The following NRIP3 variants were observed in gnomAD, a reference collection of about 807,000 sequenced individuals.
NRIP3 encodes the protein nuclear receptor interacting protein 3, also known as nuclear receptor-interacting protein 3.
NRIP3 carries 31 observed loss-of-function variants against 29.0 expected under a neutral mutation model. The ratio of observed to expected loss-of-function variants is 1.07; its 90% confidence interval spans 0.80 to 1.44. NRIP3 has a LOEUF of 1.44. Ranked by LOEUF, NRIP3 falls within the 40% of genes most tolerant of loss-of-function variation. The probability of loss-of-function intolerance (pLI) is 0.00; values close to 1 mark genes in which losing one functional copy is unlikely to be tolerated. For missense variants in NRIP3, 314 were observed against 297.9 expected, an observed-to-expected ratio of 1.05 and a Z score of -0.40; for synonymous variants, 131 against 118.3, an observed-to-expected ratio of 1.11 and a Z score of -0.70.
intron 1 of NRIP3, among the ~76,000 whole-genome samples, chr11:8,996,275 CTTTTTTTTTTTTTTT>C (rs386373056): frequency 1.2e-5 from 1 of 82,944 alleles, no homozygotes; most frequent in East Asian, 4.1e-4. Context: ...CCTTTTTTTC[CTTTTTTTTTTTTTTT>C]TTTTTTTTTG....
chr11:8,985,991 A>G, intron 3 of NRIP3, 141 bp from the exon 4 acceptor site: 2 of 952,696 alleles, frequency 2.1e-6, no homozygotes, highest in South Asian at 3.2e-5. Flanking sequence ...GCCATCCTAC[A>G]TATGTTGTTC....
intron 1 of NRIP3, among the ~76,000 whole-genome samples, chr11:9,001,940 T>C (rs556472824): frequency 1.3e-5 from 2 of 152,386 alleles, no homozygotes; most frequent in African/African-American, 2.4e-5. Context: ...GTATGTGTCA[T>C]ACTCAAGGCA....
At chr11:8,988,744 G>C (rs1457910864) in intron 1 of NRIP3, among the ~76,000 whole-genome samples, 1 of 152,166 alleles carries the variant, frequency 6.6e-6, no homozygotes, top group East Asian at 1.9e-4. Context: ...GCTAACACAG[G>C]TATTCAGAAG....
chr11:8,992,806 C>G (rs1461185947), intron 1 of NRIP3, among the ~76,000 whole-genome samples: 1 of 151,876 alleles, frequency 6.6e-6, no homozygotes, highest in Non-Finnish European at 1.5e-5. Flanking sequence ...CCCAGCTACT[C>G]AGGAGGCTGA....
chr11:8,990,560 C>T (rs549438137), intron 1 of NRIP3, among the ~76,000 whole-genome samples: 1 of 151,964 alleles, frequency 6.6e-6, no homozygotes, highest in East Asian at 1.9e-4. Flanking sequence ...CCGAGGCAGG[C>T]GGATCTCTTG....
Position 8,983,375 on chromosome 11 carries a change from T to A in NRIP3, c.*170A>T. 1 of 618,620 alleles carries A rather than the reference T, an allele frequency of 1.6e-6. No individual in the cohort carries two copies. 38.3% of individuals were successfully genotyped at this position (618,620 alleles called of 1,614,324 possible). Reference sequence around the variant, plus strand: ...CATAACCAGACAAGATCTCTAAGCATAGACTATAGTCTAGAGAGGTCTGAA... The same window carrying A: ...CATAACCAGACAAGATCTCTAAGCAAAGACTATAGTCTAGAGAGGTCTGAA... On this transcript the variant is annotated 3_prime_UTR_variant, in exon 7 of 7. Transcript: ENST00000309166.
chr11:8,988,183 T>G lies in NRIP3; in HGVS notation c.274A>C (p.Asn92His), dbSNP rs779915813. ...VPWASKTNKL[N>H]QAKSEGLKKS... ...TTTAGCCCCTCAGACTTAGCCTGAT[T>G]GAGTTTGTTCGTCTTAGAGGCCCAA... Residue 92 changes from asparagine to histidine, a missense_variant, in exon 2 of 7, where the codon AAT becomes CAT. Physicochemically the swap from Asn to His is moderately conservative, Grantham distance 68. Transcript: ENST00000309166. 2.5e-6 allele frequency: 4 copies of G among 1,614,022 alleles called. No individual in the cohort carries two copies. The highest frequency in any genetic ancestry group is 3.4e-6 in the Non-Finnish European group (4 of 1,180,044).
intron 1 of NRIP3, among the ~76,000 whole-genome samples, chr11:8,997,334 TGA>T (rs1854724096): frequency 1.7e-5 from 2 of 119,136 alleles, no homozygotes; most frequent in Admixed American, 1.3e-4. Context: ...TCCAGCCTGG[TGA>T]GAGAGCGAGA....
chr11:8,999,355 C>T (rs1854759743), intron 1 of NRIP3, among the ~76,000 whole-genome samples: 3 of 152,194 alleles, frequency 2.0e-5, no homozygotes, highest in Non-Finnish European at 4.4e-5. Context: ...CATCAACTCT[C>T]ACTTCAATTA....
chr11:8,985,120 G>C (rs554919077), intron 4 of NRIP3, among the ~76,000 whole-genome samples: 54 of 151,670 alleles, frequency 3.6e-4, no homozygotes, highest in Non-Finnish European at 6.8e-4. Flanking sequence ...CAAAGTGCTG[G>C]GATTACAGGC....
At chr11:9,001,750 C>CA (rs1854803283) in intron 1 of NRIP3, among the ~76,000 whole-genome samples, 1 of 144,632 alleles carries the variant, frequency 6.9e-6, no homozygotes, top group South Asian at 2.1e-4. Context: ...TGCCTCACCC[C>CA]AGCGCTTGCG....
In NRIP3 at chr11:9,003,824, T is replaced by G. The variant is rs755898996; in HGVS notation, c.112A>C (p.Lys38Gln). The G allele has an allele frequency of 1.2e-5, 19 of 1,521,074 alleles. No individual in the cohort carries two copies. The highest frequency in any genetic ancestry group is 1.7e-5 in the Non-Finnish European group (19 of 1,135,866). The allele number at this position is 1,521,074 out of a possible 1,614,324, so 94.2% of individuals were successfully genotyped here. Residue 38 changes from lysine (K) to glutamine (Q), a missense_variant, in exon 1 of 7, where the codon AAG becomes CAG. Physicochemically the swap from Lys to Gln is moderately conservative, Grantham distance 53 (BLOSUM62 1). Coordinates refer to ENST00000309166, the MANE Select transcript of NRIP3 (RefSeq NM_020645.3). Reference protein sequence around the residue: ...RMKQAVQFIHKDSADLLPLDG... With the variant: ...RMKQAVQFIHQDSADLLPLDG... Reference sequence around the variant, plus strand: ...AGGGGCAGCAGGTCGGCGGAGTCCTTGTGGATGAACTGCACCGCCTGCTTC... The same window carrying G: ...AGGGGCAGCAGGTCGGCGGAGTCCTGGTGGATGAACTGCACCGCCTGCTTC...
intron 1 of NRIP3, among the ~76,000 whole-genome samples, chr11:8,997,102 C>G (rs916011760): frequency 3.3e-5 from 5 of 151,198 alleles, no homozygotes; most frequent in Non-Finnish European, 7.4e-5. Flanking sequence ...GGAGGCCAGG[C>G]ACAGTGGCTC....
At chr11:9,001,655 G>C (rs753993653) in intron 1 of NRIP3, among the ~76,000 whole-genome samples, 6 of 152,212 alleles carry the variant, frequency 3.9e-5, no homozygotes, top group Non-Finnish European at 5.9e-5. Flanking sequence ...TATTTATAAA[G>C]TAAAAGAATA....
chr11:8,985,932 A>G (rs781639199), intron 3 of NRIP3, 82 bp from the exon 4 acceptor site: 201 of 1,492,736 alleles, frequency 1.3e-4, no homozygotes, highest in Non-Finnish European at 1.7e-4. Context: ...CTGACCTACA[A>G]TTGGAATTCT....
At chr11:8,983,730 C>T in intron 6 of NRIP3, 145 bp downstream of exon 6, 2 of 880,146 alleles carry the variant, frequency 2.3e-6, no homozygotes, top group East Asian at 2.5e-5. Flanking sequence ...GTGATGAACT[C>T]TGGGTGTGGG....
intron 3 of NRIP3, among the ~76,000 whole-genome samples, chr11:8,986,894 C>T (rs753457421): frequency 1.6e-4 from 25 of 152,238 alleles, no homozygotes; most frequent in Admixed American, 1.6e-3. Context: ...GTGGCGCACA[C>T]GTAGTCCCAG....
chr11:8,985,087 G>A (rs893558362), intron 4 of NRIP3, among the ~76,000 whole-genome samples: 5 of 151,984 alleles, frequency 3.3e-5, no homozygotes, highest in Admixed American at 6.5e-5. Context: ...CCAACCTCAG[G>A]TGATCTGCCC....
rs572545134 is a variant in NRIP3 at position 8,988,372 on chromosome 11, C to G, written c.175-90G>C. 4,655 of 1,013,266 alleles carry G rather than the reference C, an allele frequency of 4.6e-3. 14 individuals are homozygous for G. Among genetic ancestry groups the G allele is most frequent in the Non-Finnish European group, 6.4e-3 (4,324 of 678,398 alleles). 62.8% of individuals were successfully genotyped at this position (1,013,266 alleles called of 1,614,324 possible). A position where few individuals can be genotyped will look rare whatever the true frequency, so the allele number is the denominator to read the frequency against. On this transcript the variant is annotated intron_variant, in intron 1 of 6. Coordinates refer to ENST00000309166, the MANE Select transcript of NRIP3 (RefSeq NM_020645.3). ...AGGTGCCATAAAAATAATGAAGGAG[C>G]CTCCCATAACTGAGCTCTATCTTTG...
Sources: gnomAD v4.1 joint callset for allele counts (sites outside exome capture counted in the v4.1 genomes callset) on GRCh38, gnomAD v4.1.1 for gene constraint, MANE v1.5 for transcripts, NCBI Gene and HGNC (gene_info 2026-07-23, HGNC 2026-07-21) for gene names.